Variants in SET observed in about 807,000 individuals in gnomAD.
SET encodes SET nuclear proto-oncogene, also known as protein SET.
SET carries 4 observed loss-of-function variants against 39.0 expected under a neutral mutation model. That is an observed-to-expected ratio of 0.10 (90% CI 0.05 to 0.23). SET has a LOEUF of 0.23. SET is among the 10% of genes least tolerant of loss of function. SET has a pLI of 1.00. For synonymous variants in SET, 114 were observed against 115.9 expected (o/e 0.98, Z 0.11); for missense variants, 137 against 329.7 (o/e 0.42, Z 4.53).
Position 128,693,796 on chromosome 9 carries a change from A to G in SET, c.651A>G (p.Leu217=), listed in dbSNP as rs757886265. Residue 217 remains leucine (L), a synonymous_variant, in exon 6 of 8, where the codon TTA becomes TTG. Coordinates refer to ENST00000322030, the MANE Select transcript of SET (RefSeq NM_003011.4). ...AAGATGATATTTGGCCAAACCCATT[A>G]CAGTACTACTTGGTGAGTTCTAATA... ...VIKDDIWPNP[L]QYYLVPDMDD... 27 of 1,613,306 alleles carry G rather than the reference A, an allele frequency of 1.7e-5. No homozygotes were observed. The Admixed American group carries it at 1.8e-4, about 11-fold the overall frequency.
At chr9:128,685,187 T>G (rs1319521099), upstream of SET, 3 of 1,600,268 alleles carry the variant, frequency 1.9e-6, no homozygotes, top group Admixed American at 5.2e-5. Flanking sequence ...AGAGACCTCC[T>G]GCCCAGCTTG....
At position 128,689,548 on chromosome 9, in the gene SET, C is replaced by CCTCCCCG; in HGVS notation, c.-28_-22dup. ...CCCCCTTCGCCTTCCCTTCTCTCCC[C>CCTCCCCG]CTCCCCGCTCCCCCCCCGACCGCGG... On this transcript the variant is annotated 5_prime_UTR_variant, in exon 1 of 8. Coordinates refer to ENST00000322030, the MANE Select transcript of SET (RefSeq NM_003011.4). 3 of 1,198,494 alleles carry CCTCCCCG rather than the reference C, an allele frequency of 2.5e-6. No homozygotes were observed. The highest frequency in any genetic ancestry group is 3.3e-6 in the Non-Finnish European group (3 of 903,732). The allele number at this position is 1,198,494 out of a possible 1,614,324, so 74.2% of individuals were successfully genotyped here. A position where few individuals can be genotyped will look rare whatever the true frequency, so the allele number is the denominator to read the frequency against.
chr9:128,689,761 G>T (rs958224085), intron 1 of SET, 106 bp downstream of exon 1: 231 of 154,090 alleles, frequency 1.5e-3, no homozygotes, highest in Middle Eastern at 6.9e-3. Context: ...GGCGCCGGGC[G>T]GGGGGGCGCG....
intron 3 of SET, chr9:128,692,397 CAA>C (rs58637669): frequency 6.2e-3 from 469 of 76,038 alleles, no homozygotes; most frequent in South Asian, 0.025. Context: ...GAGACTGTTT[CAA>C]AAAAAAAAAA....
In SET at chr9:128,696,322, C is replaced by CT. The variant is rs1861739406; in HGVS notation, c.*1659dup. 1 of 189,036 alleles carries CT rather than the reference C, an allele frequency of 5.3e-6. No homozygotes were observed. The highest frequency in any genetic ancestry group is 1.1e-5 in the Non-Finnish European group (1 of 89,040). 11.7% of individuals were successfully genotyped at this position (189,036 alleles called of 1,614,324 possible). A position where few individuals can be genotyped will look rare whatever the true frequency, so the allele number is the denominator to read the frequency against. On this transcript the variant is annotated 3_prime_UTR_variant, in exon 8 of 8. Transcript: ENST00000322030. ...TAGTATGTAATTTCTGCACAGGTCT[C>CT]TGTTTAGTAAATACATCACTGTATA...
At position 128,694,734 on chromosome 9, in the gene SET, CTT is replaced by C. The variant is rs35778650; in HGVS notation, c.*93_*94del. ...CCAGTCCCTGGGAGCAAGTTGCAGT[CTT>C]TTTTTTTTTTTTTTTTTTTTTTCCC... On this transcript the variant is annotated 3_prime_UTR_variant, in exon 8 of 8. Transcript: ENST00000322030. 47,834 of 298,640 alleles carry C rather than the reference CTT, an allele frequency of 0.16. 29 individuals carry two copies. The highest frequency in any genetic ancestry group is 0.21 in the Middle Eastern group (236 of 1,144). 18.5% of individuals were successfully genotyped at this position (298,640 alleles called of 1,614,324 possible).
chr9:128,690,360 G>C (rs963108075), intron 1 of SET: 5 of 152,604 alleles, frequency 3.3e-5, no homozygotes, highest in Non-Finnish European at 4.4e-5. Context: ...GCTCTCGGCA[G>C]GGGGGCTGCC....
intron 3 of SET, 116 bp downstream of exon 3, chr9:128,692,116 C>A: frequency 8.1e-7 from 1 of 1,238,960 alleles, no homozygotes; most frequent in Non-Finnish European, 1.1e-6. Flanking sequence ...AGGCTGGGTG[C>A]GGTGGCGCAC....
chr9:128,692,050 T>G, intron 3 of SET, 50 bp downstream of exon 3: 7 of 1,595,032 alleles, frequency 4.4e-6, no homozygotes, highest in Non-Finnish European at 6.0e-6. Context: ...TTTGTTAGAA[T>G]GGAGGAAGCT....
chr9:128,689,338 C>A lies in SET; in HGVS notation c.-245C>A. 9.5e-7 allele frequency: 1 copy of A among 1,048,646 alleles called. No individual in the cohort carries two copies. The highest frequency in any genetic ancestry group is 1.2e-6 in the Non-Finnish European group (1 of 869,518). 65.0% of individuals were successfully genotyped at this position (1,048,646 alleles called of 1,614,324 possible). A position where few individuals can be genotyped will look rare whatever the true frequency, so the allele number is the denominator to read the frequency against. On this transcript the variant is annotated 5_prime_UTR_variant, in exon 1 of 8. Transcript: ENST00000322030. ...CCGCCCGCCGCCGCCGCCTCCGCCT[C>A]CCCTCCGCGAACAGGAGCCCGGGCC... is the stretch of plus-strand genomic sequence containing the variant.
Position 128,689,247 on chromosome 9 carries a change from A to G in SET, c.-336A>G. The G allele has an allele frequency of 4.0e-6, 4 of 1,000,866 alleles. No homozygotes were observed. Among genetic ancestry groups the G allele is most frequent in the Non-Finnish European group, 4.8e-6 (4 of 839,648 alleles). 62.0% of individuals were successfully genotyped at this position (1,000,866 alleles called of 1,614,324 possible). A position where few individuals can be genotyped will look rare whatever the true frequency, so the allele number is the denominator to read the frequency against. On this transcript the variant is annotated 5_prime_UTR_variant, in exon 1 of 8. Coordinates refer to ENST00000322030, the MANE Select transcript of SET (RefSeq NM_003011.4). ...CCCTCGCCGTAGGAGGAGGTGGAGG[A>G]GGAGGCGGCTCGGGAGAGCGAGCAG...
chr9:128,691,636 TGA>T (rs1350963972), intron 2 of SET, among the ~76,000 whole-genome samples: 1 of 152,206 alleles, frequency 6.6e-6, no homozygotes, highest in Non-Finnish European at 1.5e-5. Flanking sequence ...ACCAGAGTGT[TGA>T]GTTTGGGCAC....
upstream of SET, chr9:128,689,101 T>TCCGCGACTCCGCCCCCTCATCCCG (rs1192718041): frequency 2.0e-5 from 4 of 200,664 alleles, no homozygotes; most frequent in East Asian, 7.2e-4. Context: ...GCCCTGTGTC[T>TCCGCGACTCCGCCCCCTCATCCCG]CCGCGCCGCG....
Position 128,691,979 on chromosome 9 carries a change from A to G in SET, c.253A>G (p.Thr85Ala), listed in dbSNP as rs1861551983. ...IAKIPNFWVTTFVNHPQVSAL... is the reference protein window; with the variant it reads ...IAKIPNFWVTAFVNHPQVSAL... The stretch of plus-strand genomic sequence containing the variant: ...CAAAATCCCAAATTTTTGGGTAACA[A>G]CATTTGTCAACCATCCACAAGGTAT... Residue 85 changes from threonine (T) to alanine (A), a missense_variant, in exon 3 of 8, where the codon ACA becomes GCA. This residue lies in a region of SET where 59 missense variants were observed against 237.2 expected (regional missense o/e 0.25). Transcript: ENST00000322030. The G allele has an allele frequency of 1.2e-6, 2 of 1,613,828 alleles. No individual in the cohort carries two copies. Among genetic ancestry groups the G allele is most frequent in the African/African-American group, 1.3e-5 (1 of 74,920 alleles).
chr9:128,689,966 C>G, intron 1 of SET: 2 of 941,904 alleles, frequency 2.1e-6, no homozygotes, highest in Non-Finnish European at 2.6e-6. Flanking sequence ...CCCGAGAAGC[C>G]TCTCTTTATT....
chr9:128,689,419 C>T lies in SET; in HGVS notation c.-164C>T. 1.6e-6 allele frequency: 1 copy of T among 607,874 alleles called. No homozygotes were observed. The highest frequency in any genetic ancestry group is 2.2e-6 in the Non-Finnish European group (1 of 458,262). 37.7% of individuals were successfully genotyped at this position (607,874 alleles called of 1,614,324 possible). A position where few individuals can be genotyped will look rare whatever the true frequency, so the allele number is the denominator to read the frequency against. ...TCGGCGTCAGGCCGCGAGGGTAGCG[C>T]GCGCGAGCGAGCGAGGGGGAGGGAG... On this transcript the variant is annotated 5_prime_UTR_variant, in exon 1 of 8. Coordinates refer to ENST00000322030, the MANE Select transcript of SET (RefSeq NM_003011.4).
At chr9:128,683,512 C>T (rs543895984), upstream of SET, 177 of 242,462 alleles carry the variant, frequency 7.3e-4, no homozygotes, top group African/African-American at 3.6e-3. Context: ...GATAAGTTCT[C>T]AGTAGGGGCA....
At position 128,691,307 on chromosome 9, in the gene SET, A is replaced by G. The variant is rs139336636; in HGVS notation, c.131+80A>G. On this transcript the variant is annotated intron_variant, in intron 2 of 7. Coordinates refer to ENST00000322030, the MANE Select transcript of SET (RefSeq NM_003011.4). ...CCGGTAATTATCGAAGCTATGGTCA[A>G]ATCTATCCACTGTCAAAGGGGAAAT... 4.3e-4 allele frequency: 377 copies of G among 875,244 alleles called. 1 individual carries two copies. In the African/African-American group the frequency reaches 5.6e-3, roughly 13 times the overall value. 54.2% of individuals were successfully genotyped at this position (875,244 alleles called of 1,614,324 possible).
At chr9:128,690,020 C>G in intron 1 of SET, 1 of 1,047,012 alleles carries the variant, frequency 9.6e-7, no homozygotes, top group Non-Finnish European at 1.2e-6. Context: ...GCCGCCGCCG[C>G]CACATGGTGC....
Sources: gnomAD v4.1 joint callset for allele counts (sites outside exome capture counted in the v4.1 genomes callset) on GRCh38, gnomAD v4.1.1 for gene constraint, gnomAD v4.1.1 regional missense constraint, MANE v1.5 for transcripts, NCBI Gene and HGNC (gene_info 2026-07-23, HGNC 2026-07-21) for gene names.